Variants in ANKRD44 observed in about 807,000 individuals in gnomAD.
ANKRD44 encodes the protein ankyrin repeat domain 44.
Under a neutral mutation model 116.0 loss-of-function variants are expected in ANKRD44, and 35 were observed. The observed-to-expected ratio is 0.30, with a 90% CI of 0.23 to 0.40. The LOEUF (loss-of-function observed/expected upper bound fraction) is 0.40, where lower values mean the gene tolerates loss of function less well. Ranked by LOEUF, ANKRD44 falls within the 10% of genes least tolerant of loss-of-function variation. The pLI is 1.00. For missense variants in ANKRD44, 1,014 were observed against 1,242.6 expected, an observed-to-expected ratio of 0.82 and a Z score of 2.77; for synonymous variants, 435 against 461.8, an observed-to-expected ratio of 0.94 and a Z score of 0.74.
chr2:197,148,584 C>T (rs188481175), intron 2 of ANKRD44, among the ~76,000 whole-genome samples: 40 of 152,344 alleles, frequency 2.6e-4, no homozygotes, highest in Non-Finnish European at 5.1e-4. Context: ...ACCCTCTGCT[C>T]TTCCTCTGTC....
At chr2:197,246,189 T>A (rs751336589) in intron 1 of ANKRD44, among the ~76,000 whole-genome samples, 1 of 151,770 alleles carries the variant, frequency 6.6e-6, no homozygotes, top group African/African-American at 2.4e-5. Context: ...TTTTTATTTA[T>A]TTTATTTATT....
At chr2:197,073,273 A>G (rs951384700) in intron 16 of ANKRD44, among the ~76,000 whole-genome samples, 2 of 152,162 alleles carry the variant, frequency 1.3e-5, no homozygotes, top group Non-Finnish European at 2.9e-5. Flanking sequence ...GTTCTCCACC[A>G]TCACTGGGGT....
intron 2 of ANKRD44, among the ~76,000 whole-genome samples, chr2:197,179,282 C>T (rs1347020504): frequency 6.6e-6 from 1 of 152,174 alleles, no homozygotes; most frequent in Non-Finnish European, 1.5e-5. Context: ...GCTAGTCTCA[C>T]ATGTTTATTC....
At chr2:197,204,106 TAA>T (rs1192127486) in intron 1 of ANKRD44, among the ~76,000 whole-genome samples, 1 of 151,894 alleles carries the variant, frequency 6.6e-6, no homozygotes, top group East Asian at 1.9e-4. Context: ...TTTGCCACAA[TAA>T]AAAAAATTAT....
Position 197,105,386 on chromosome 2 carries a change from T to G in ANKRD44, c.985+5380A>C, listed in dbSNP as rs367656673. On this transcript the variant is annotated intron_variant, in intron 9 of 27. Transcript: ENST00000282272. ...CCTCAGCCTCCCAAAGTGCTGGGAT[T>G]ACAAGCGTGAGCCACTGTATCTGGC... Among the ~76,000 whole-genome samples, 58 of 152,348 alleles carry G rather than the reference T, an allele frequency of 3.8e-4. No homozygotes were observed. In the South Asian group the frequency reaches 0.012, roughly 32 times the overall value.
At chr2:196,968,633 C>T (rs1021686665) in intron 21 of ANKRD44, among the ~76,000 whole-genome samples, 2 of 152,140 alleles carry the variant, frequency 1.3e-5, no homozygotes, top group Non-Finnish European at 2.9e-5. Context: ...GAAGAATTTC[C>T]TCTTCTCAGC....
At chr2:197,287,987 T>TA (rs1360655558) in intron 1 of ANKRD44, among the ~76,000 whole-genome samples, 1 of 124,872 alleles carries the variant, frequency 8.0e-6, no homozygotes, top group Non-Finnish European at 1.6e-5. Flanking sequence ...ATCATTGCAC[T>TA]CCAGCCTGGG....
intron 1 of ANKRD44, among the ~76,000 whole-genome samples, chr2:197,249,387 G>C (rs967568476): frequency 6.6e-6 from 1 of 152,220 alleles, no homozygotes; most frequent in African/African-American, 2.4e-5. Flanking sequence ...GGCAAGATCG[G>C]TATTATTAAA....
intron 1 of ANKRD44, among the ~76,000 whole-genome samples, chr2:197,278,328 A>G (rs1159764374): frequency 6.6e-6 from 1 of 151,924 alleles, no homozygotes; most frequent in Admixed American, 6.6e-5. Flanking sequence ...CTGCATCCTA[A>G]ATGTGCATCC....
At chr2:196,990,905 G>T in intron 27 of ANKRD44, 1 of 1,232,532 alleles carries the variant, frequency 8.1e-7, no homozygotes, top group Non-Finnish European at 1.0e-6. Flanking sequence ...TGTTAGGAGC[G>T]CAAGCCAGGG....
chr2:197,077,436 G>A (rs981855739), intron 16 of ANKRD44, among the ~76,000 whole-genome samples: 4 of 152,146 alleles, frequency 2.6e-5, no homozygotes, highest in Non-Finnish European at 4.4e-5. Flanking sequence ...GTGGGGATAA[G>A]ATACCTGCAA....
At chr2:197,036,225 C>T (rs1221946503) in intron 16 of ANKRD44, among the ~76,000 whole-genome samples, 1 of 152,062 alleles carries the variant, frequency 6.6e-6, no homozygotes, top group Non-Finnish European at 1.5e-5. Flanking sequence ...GGAGACATTA[C>T]CTTTCTATAG....
chr2:197,204,963 G>A (rs1429448791), intron 1 of ANKRD44, among the ~76,000 whole-genome samples: 1 of 152,230 alleles, frequency 6.6e-6, no homozygotes, highest in Non-Finnish European at 1.5e-5. Context: ...CTCTATTAGA[G>A]CAGCTGTCCA....
Position 197,126,048 on chromosome 2 carries a change from AG to A in ANKRD44, c.262-12del. 1 of 1,614,138 alleles carries A rather than the reference AG, an allele frequency of 6.2e-7. No homozygotes were observed. Among genetic ancestry groups the A allele is most frequent in the South Asian group, 1.1e-5 (1 of 91,080 alleles). On this transcript the variant is annotated splice_polypyrimidine_tract_variant and intron_variant, in intron 4 of 27. Coordinates refer to ENST00000282272, the MANE Select transcript of ANKRD44 (RefSeq NM_001195144.2). Reference sequence around the variant, plus strand: ...AACCTGTACTGCTTCCTACAACAAAAGCAGAGTTTGCAGAGGTCACTGACAG... The same window carrying A: ...AACCTGTACTGCTTCCTACAACAAAACAGAGTTTGCAGAGGTCACTGACAG...
intron 1 of ANKRD44, among the ~76,000 whole-genome samples, chr2:197,218,621 T>C (rs1213476255): frequency 6.6e-6 from 1 of 152,124 alleles, no homozygotes; most frequent in East Asian, 1.9e-4. Context: ...CATGGACTGA[T>C]GAAAACCTGT....
intron 1 of ANKRD44, among the ~76,000 whole-genome samples, chr2:197,238,893 C>T (rs749473141): frequency 1.1e-4 from 16 of 152,100 alleles, no homozygotes; most frequent in South Asian, 1.0e-3. Context: ...TCAGTAGAGA[C>T]GGGGTTTCGC....
intron 10 of ANKRD44, among the ~76,000 whole-genome samples, chr2:197,091,986 A>G (rs1254965015): frequency 6.6e-6 from 1 of 152,148 alleles, no homozygotes; most frequent in African/African-American, 2.4e-5. Flanking sequence ...CACCAGGATG[A>G]CCCCTTAAGG....
chr2:197,235,261 T>C lies in ANKRD44; in HGVS notation c.28-48155A>G, dbSNP rs547932869. On this transcript the variant is annotated intron_variant, in intron 1 of 27. Transcript: ENST00000282272. ...CTAAAAGAGCAAAACTATTTTCACTTGAAATTTCCGAATTCAAACATTTGT... is the reference window on the plus strand; with the variant it reads ...CTAAAAGAGCAAAACTATTTTCACTCGAAATTTCCGAATTCAAACATTTGT... Among the ~76,000 whole-genome samples the C allele has an allele frequency of 7.2e-5, 11 of 152,318 alleles. No homozygotes were observed. The South Asian group carries it at 2.3e-3, about 32-fold the overall frequency.
At chr2:197,140,473 C>T (rs2079334918) in intron 3 of ANKRD44, among the ~76,000 whole-genome samples, 2 of 152,108 alleles carry the variant, frequency 1.3e-5, no homozygotes, top group Non-Finnish European at 2.9e-5. Flanking sequence ...CACATGCCAC[C>T]ATGCCCAGCT....
Sources: allele counts gnomAD v4.1 joint callset (sites outside exome capture counted in the v4.1 genomes callset), GRCh38; gene constraint gnomAD v4.1.1; transcripts MANE v1.5; gene names NCBI Gene and HGNC (gene_info 2026-07-23, HGNC 2026-07-21).